The following ZNF423 variants were observed in gnomAD, a reference collection of about 807,000 sequenced individuals.
ZNF423 encodes the protein zinc finger protein 423.
In ZNF423, 12 loss-of-function variants were observed where a neutral mutation model predicts 95.8. That is an observed-to-expected ratio of 0.13 (90% CI 0.08 to 0.20). ZNF423 has a LOEUF of 0.20. Ranked by LOEUF, ZNF423 falls within the 10% of genes least tolerant of loss-of-function variation. ZNF423 has a pLI of 1.00. For missense variants in ZNF423, 1,316 were observed against 1,737.1 expected (o/e 0.76, Z 4.31); for synonymous variants, 749 against 711.9 (o/e 1.05, Z -0.83).
intron 1 of ZNF423, among the ~76,000 whole-genome samples, chr16:49,823,614 G>C (rs923703769): frequency 6.6e-6 from 1 of 151,986 alleles, no homozygotes; most frequent in Non-Finnish European, 1.5e-5. Context: ...GCAACATTCC[G>C]AAAGGGAAAG....
At chr16:49,712,115 G>T (rs1015559433) in intron 3 of ZNF423, among the ~76,000 whole-genome samples, 1 of 152,032 alleles carries the variant, frequency 6.6e-6, no homozygotes, top group African/African-American at 2.4e-5. Flanking sequence ...AGACCCTGTC[G>T]CTATTTAAAA....
chr16:49,542,111 T>G (rs895919131), intron 5 of ZNF423, among the ~76,000 whole-genome samples: 1 of 152,164 alleles, frequency 6.6e-6, no homozygotes, highest in Admixed American at 6.5e-5. Context: ...CCACAGCCCC[T>G]CTCAGCCCCT....
chr16:49,644,977 T>C (rs577576924), intron 3 of ZNF423, among the ~76,000 whole-genome samples: 26 of 152,274 alleles, frequency 1.7e-4, no homozygotes, highest in African/African-American at 4.6e-4. Flanking sequence ...AAGCTGGAAT[T>C]CATGCTCTCT....
intron 7 of ZNF423, among the ~76,000 whole-genome samples, chr16:49,501,835 G>C (rs747792726): frequency 6.7e-6 from 1 of 148,908 alleles, no homozygotes; most frequent in Non-Finnish European, 1.5e-5. Context: ...ACTGTGGTGC[G>C]CACAGACATA....
At chr16:49,821,608 C>A (rs2034942171) in intron 1 of ZNF423, among the ~76,000 whole-genome samples, 1 of 152,180 alleles carries the variant, frequency 6.6e-6, no homozygotes, top group Non-Finnish European at 1.5e-5. Context: ...TGGCAAAGCA[C>A]ATTTTTCTTT....
intron 1 of ZNF423, among the ~76,000 whole-genome samples, chr16:49,844,708 T>G (rs986952988): frequency 1.3e-5 from 2 of 152,216 alleles, no homozygotes; most frequent in African/African-American, 4.8e-5. Flanking sequence ...CCATTCATAT[T>G]TATTCCTTCA....
intron 7 of ZNF423, among the ~76,000 whole-genome samples, chr16:49,510,593 G>A (rs767471201): frequency 2.0e-5 from 3 of 152,230 alleles, no homozygotes; most frequent in Non-Finnish European, 4.4e-5. Context: ...GCAGAGCTAT[G>A]AGCCCAGGTG....
chr16:49,673,540 A>G (rs2030913816), intron 3 of ZNF423, among the ~76,000 whole-genome samples: 2 of 152,348 alleles, frequency 1.3e-5, no homozygotes, highest in East Asian at 3.9e-4. Flanking sequence ...CCTGGTTTCT[A>G]ATTAAAAATT....
intron 7 of ZNF423, among the ~76,000 whole-genome samples, chr16:49,522,129 GC>G (rs1200334917): frequency 1.3e-5 from 2 of 152,208 alleles, no homozygotes; most frequent in African/African-American, 4.8e-5. Context: ...TGCAGCAGTG[GC>G]ATGGGGATGA....
chr16:49,687,452 A>G (rs563811812), intron 3 of ZNF423, among the ~76,000 whole-genome samples: 1 of 152,322 alleles, frequency 6.6e-6, no homozygotes, highest in East Asian at 1.9e-4. Context: ...GCCTCTGCCC[A>G]GCCCTGATTA....
chr16:49,700,816 G>C lies in ZNF423; in HGVS notation c.301+29955C>G, dbSNP rs1596879892. On this transcript the variant is annotated intron_variant, in intron 3 of 7. Transcript: ENST00000563137. ...GACCACAGATGGTTGAACACCGTCT[G>C]GGAGTCTCACCAAGGGGGGAAAATG... 2.0e-5 allele frequency among the ~76,000 whole-genome samples: 3 copies of C among 152,252 alleles called. No homozygotes were observed. In the South Asian group the frequency reaches 6.2e-4, roughly 32 times the overall value.
At chr16:49,752,087 G>T (rs1373395110) in intron 2 of ZNF423, among the ~76,000 whole-genome samples, 1 of 152,206 alleles carries the variant, frequency 6.6e-6, no homozygotes. Context: ...CCCAAATCCA[G>T]CTCCTGCAGA....
chr16:49,677,287 A>AGAAGAGAAGGGAAGGGAAGGGAAGG (rs2031122472), intron 3 of ZNF423, among the ~76,000 whole-genome samples: 5 of 82,324 alleles, frequency 6.1e-5, no homozygotes, highest in Non-Finnish European at 5.0e-5. Context: ...AGAAGAGAAG[A>AGAAGAGAAGGGAAGGGAAGGGAAGG]GAAGAGAAGA....
Position 49,674,356 on chromosome 16 carries a change from G to A in ZNF423, c.302-35482C>T, listed in dbSNP as rs568771252. Among the ~76,000 whole-genome samples the A allele has an allele frequency of 3.8e-4, 58 of 152,332 alleles. No homozygotes were observed. The South Asian group carries it at 0.012, about 31-fold the overall frequency. ...TGTGTGTGTGTGCAGAGCACGCAGTGTGTTCTCGGCTGGGGAGCAGTCCAG... is the reference window on the plus strand; with the variant it reads ...TGTGTGTGTGTGCAGAGCACGCAGTATGTTCTCGGCTGGGGAGCAGTCCAG... On this transcript the variant is annotated intron_variant, in intron 3 of 7. Transcript: ENST00000563137.
At chr16:49,507,003 G>A (rs558480246) in intron 7 of ZNF423, among the ~76,000 whole-genome samples, 1 of 152,196 alleles carries the variant, frequency 6.6e-6, no homozygotes, top group South Asian at 2.1e-4. Flanking sequence ...GGGTAGGACG[G>A]TAAACGTTGA....
intron 5 of ZNF423, among the ~76,000 whole-genome samples, chr16:49,538,826 T>C (rs1969148050): frequency 6.6e-6 from 1 of 152,222 alleles, no homozygotes; most frequent in Non-Finnish European, 1.5e-5. Context: ...AAGTTATTCA[T>C]AGCTATGTGA....
At position 49,690,664 on chromosome 16, in the gene ZNF423, G is replaced by A. The variant is rs925453276; in HGVS notation, c.301+40107C>T. 2.6e-5 allele frequency among the ~76,000 whole-genome samples: 4 copies of A among 152,342 alleles called. No homozygotes were observed. In the East Asian group the frequency reaches 5.8e-4, roughly 22 times the overall value. On this transcript the variant is annotated intron_variant, in intron 3 of 7. Transcript: ENST00000563137. ...ACTGACCAGAGGGGTTCTGGAGGAG[G>A]CAGCGAGGGGGTACCACTGGGTTAC...
chr16:49,680,813 C>T (rs1223931931), intron 3 of ZNF423, among the ~76,000 whole-genome samples: 1 of 152,212 alleles, frequency 6.6e-6, no homozygotes, highest in Non-Finnish European at 1.5e-5. Flanking sequence ...GAGCCGAGCA[C>T]AGCCTGCCAG....
Position 49,660,416 on chromosome 16 carries a change from GAATA to G in ZNF423, c.302-21546_302-21543del, listed in dbSNP as rs1053213887. Reference sequence around the variant, plus strand: ...TGAATGAATGAATGAATGAATGAATGAATAGTCTAATCACAAAGAAGCAGCAAGG... The same window carrying G: ...TGAATGAATGAATGAATGAATGAATGGTCTAATCACAAAGAAGCAGCAAGG... On this transcript the variant is annotated intron_variant, in intron 3 of 7. Transcript: ENST00000563137. 2.6e-4 allele frequency among the ~76,000 whole-genome samples: 38 copies of G among 145,092 alleles called. 1 individual carries two copies. Among genetic ancestry groups the G allele is most frequent in the Admixed American group, 8.9e-4 (13 of 14,654 alleles).
Sources: gnomAD v4.1 joint callset for allele counts (sites outside exome capture counted in the v4.1 genomes callset) on GRCh38, gnomAD v4.1.1 for gene constraint, MANE v1.5 for transcripts, NCBI Gene and HGNC (gene_info 2026-07-23, HGNC 2026-07-21) for gene names.